Variants in DEPTOR observed in about 807,000 individuals in gnomAD.
The protein encoded by DEPTOR is DEP domain-containing mTOR-interacting protein.
DEPTOR carries 41 observed loss-of-function variants against 41.6 expected under a neutral mutation model. The ratio of observed to expected loss-of-function variants is 0.98; its 90% confidence interval spans 0.77 to 1.28. The LOEUF is 1.28. DEPTOR is among the 50% of genes most tolerant of loss of function. The probability of loss-of-function intolerance (pLI) is 0.00; values close to 1 mark genes in which losing one functional copy is unlikely to be tolerated. For synonymous variants in DEPTOR, 195 were observed against 192.3 expected, an observed-to-expected ratio of 1.01 and a Z score of -0.12; for missense variants, 514 against 527.9, an observed-to-expected ratio of 0.97 and a Z score of 0.26.
At position 119,924,755 on chromosome 8, in the gene DEPTOR, G is replaced by A. The variant is rs116539936; in HGVS notation, c.123-3645G>A. On this transcript the variant is annotated intron_variant, in intron 1 of 8. Coordinates refer to ENST00000286234, the MANE Select transcript of DEPTOR (RefSeq NM_022783.4). ...TTTTTTCTTTCCAACTTTTATTTTC[G>A]TTTCAGGGAATTCATGTGCAGGTTT... Among the ~76,000 whole-genome samples, 127 of 149,986 alleles carry A rather than the reference G, an allele frequency of 8.5e-4. 2 individuals are homozygous for A. The highest frequency in any genetic ancestry group is 2.7e-3 in the African/African-American group (109 of 40,744).
intron 5 of DEPTOR, among the ~76,000 whole-genome samples, chr8:120,002,143 G>A (rs1812359565): frequency 2.0e-5 from 3 of 152,094 alleles, no homozygotes; most frequent in Admixed American, 1.3e-4. Flanking sequence ...ACAAGTTTTT[G>A]TTTGTTTATT....
chr8:120,035,528 C>T (rs1421583652), intron 8 of DEPTOR, among the ~76,000 whole-genome samples: 1 of 152,052 alleles, frequency 6.6e-6, no homozygotes, highest in African/African-American at 2.4e-5. Context: ...AGGAGGGAGT[C>T]CACAGAATCT....
chr8:119,915,932 G>T (rs1358289249), intron 1 of DEPTOR, among the ~76,000 whole-genome samples: 1 of 138,148 alleles, frequency 7.2e-6, no homozygotes, highest in African/African-American at 2.7e-5. Context: ...CCTTGATTCA[G>T]GACTTCATTT....
At chr8:119,956,740 G>GC (rs1554676165) in intron 3 of DEPTOR, among the ~76,000 whole-genome samples, 1 of 92,006 alleles carries the variant, frequency 1.1e-5, no homozygotes, top group Non-Finnish European at 2.0e-5. Flanking sequence ...TTTTTTTTTT[G>GC]TTTTTTTTTT....
chr8:120,026,640 G>A (rs946843869), intron 8 of DEPTOR, among the ~76,000 whole-genome samples: 1 of 151,938 alleles, frequency 6.6e-6, no homozygotes, highest in Non-Finnish European at 1.5e-5. Flanking sequence ...ACTGCACCCC[G>A]CCAAGCATCC....
chr8:119,939,889 G>A (rs1365528973), intron 3 of DEPTOR, among the ~76,000 whole-genome samples: 1 of 152,106 alleles, frequency 6.6e-6, no homozygotes, highest in Non-Finnish European at 1.5e-5. Flanking sequence ...CAGCAGTTAT[G>A]ACAAATGGTA....
intron 3 of DEPTOR, among the ~76,000 whole-genome samples, chr8:119,958,870 G>A (rs1316244969): frequency 6.6e-6 from 1 of 152,100 alleles, no homozygotes; most frequent in African/African-American, 2.4e-5. Context: ...CAAGTTCAAG[G>A]GAAATAGAAA....
chr8:119,946,592 G>A (rs1828281226), intron 3 of DEPTOR, among the ~76,000 whole-genome samples: 1 of 151,970 alleles, frequency 6.6e-6, no homozygotes, highest in South Asian at 2.1e-4. Context: ...AAGTTAGCCG[G>A]GTGTGGTGGC....
chr8:119,939,070 G>GA (rs1828167025), intron 3 of DEPTOR, among the ~76,000 whole-genome samples: 1 of 152,020 alleles, frequency 6.6e-6, no homozygotes, highest in African/African-American at 2.4e-5. Context: ...GGGTCTTGGG[G>GA]ACTGAAGAGA....
At chr8:120,043,092 A>AT (rs1813104072) in intron 8 of DEPTOR, among the ~76,000 whole-genome samples, 2 of 151,416 alleles carry the variant, frequency 1.3e-5, no homozygotes, top group African/African-American at 4.9e-5. Context: ...TTTTTTTAAA[A>AT]TTTTTTATTT....
At chr8:120,046,707 G>A (rs1392705124) in intron 8 of DEPTOR, among the ~76,000 whole-genome samples, 1 of 152,124 alleles carries the variant, frequency 6.6e-6, no homozygotes, top group Non-Finnish European at 1.5e-5. Context: ...CTCCCAAAGT[G>A]TTAGGATTAC....
Position 119,913,637 on chromosome 8 carries a change from G to T in DEPTOR, c.123-14763G>T, listed in dbSNP as rs7388491. ...CTCAGATAAAAGGTTTTTATTTCTC[G>T]TGGTTCATCAGGGTGTCCATAAAAA... On this transcript the variant is annotated intron_variant, in intron 1 of 8. Transcript: ENST00000286234. Among the ~76,000 whole-genome samples the T allele has an allele frequency of 1.1e-4, 16 of 152,162 alleles. No individual in the cohort carries two copies. In the East Asian group the frequency reaches 3.1e-3, roughly 29 times the overall value.
At chr8:120,010,646 A>G (rs1244547689) in intron 8 of DEPTOR, among the ~76,000 whole-genome samples, 1 of 151,894 alleles carries the variant, frequency 6.6e-6, no homozygotes, top group Non-Finnish European at 1.5e-5. Flanking sequence ...AAAAAAACAC[A>G]CATATACAGT....
intron 8 of DEPTOR, among the ~76,000 whole-genome samples, chr8:120,039,754 T>C (rs548536901): frequency 1.3e-5 from 2 of 152,312 alleles, no homozygotes; most frequent in African/African-American, 4.8e-5. Flanking sequence ...TGTCCATCAT[T>C]ATTATTATTA....
At chr8:119,878,486 A>ATTT (rs1482235574) in intron 1 of DEPTOR, among the ~76,000 whole-genome samples, 19 of 150,334 alleles carry the variant, frequency 1.3e-4, no homozygotes, top group African/African-American at 4.2e-4. Flanking sequence ...CACCCAGTTA[A>ATTT]TTTTTTTTGT....
chr8:119,969,456 G>A (rs1462457650), intron 4 of DEPTOR, among the ~76,000 whole-genome samples: 1 of 151,350 alleles, frequency 6.6e-6, no homozygotes, highest in Non-Finnish European at 1.5e-5. Context: ...CCAGGTTCAA[G>A]CAATTCTCTT....
chr8:119,934,556 A>G (rs113015132), intron 3 of DEPTOR, among the ~76,000 whole-genome samples: 2,382 of 152,242 alleles, frequency 0.016, 63 homozygotes, highest in African/African-American at 0.055. Context: ...TACCGTGGAG[A>G]TAAGGCTGGG....
At chr8:119,999,343 A>C (rs541945494) in intron 4 of DEPTOR, among the ~76,000 whole-genome samples, 1 of 152,306 alleles carries the variant, frequency 6.6e-6, no homozygotes, top group East Asian at 1.9e-4. Flanking sequence ...TAATTAAAGG[A>C]ATTAGAACAT....
chr8:119,883,230 T>C lies in DEPTOR; in HGVS notation c.122+9262T>C, dbSNP rs1827321044. ...TGGCTCACCCCTGTAATCCCAGCAC[T>C]TTGGGAGGCCGAGGCGGGCGGATCA... On this transcript the variant is annotated intron_variant, in intron 1 of 8. Transcript: ENST00000286234. Among the ~76,000 whole-genome samples, 4 of 152,044 alleles carry C rather than the reference T, an allele frequency of 2.6e-5. No individual in the cohort carries two copies. In the South Asian group the frequency reaches 8.3e-4, roughly 32 times the overall value.
Sources: allele counts gnomAD v4.1 joint callset (sites outside exome capture counted in the v4.1 genomes callset), GRCh38; gene constraint gnomAD v4.1.1; transcripts MANE v1.5; gene names NCBI Gene and HGNC (gene_info 2026-07-23, HGNC 2026-07-21).